The following ABCA12 variants were observed in gnomAD, a reference collection of about 807,000 sequenced individuals.
ABCA12 encodes the protein glucosylceramide transporter ABCA12.
Under a neutral mutation model 293.5 loss-of-function variants are expected in ABCA12, and 156 were observed. The ratio of observed to expected loss-of-function variants is 0.53; its 90% CI spans 0.47 to 0.61. The LOEUF is 0.61. Among genes scored for constraint, ABCA12 ranks in the 20% least tolerant of loss-of-function variants. ABCA12 has a pLI of 0.00. For missense variants in ABCA12, 2,797 were observed against 3,090.2 expected, an observed-to-expected ratio of 0.91 and a Z score of 2.25; for synonymous variants, 1,063 against 1,108.0, an observed-to-expected ratio of 0.96 and a Z score of 0.81.
chr2:215,105,191 T>C (rs746780565), intron 2 of ABCA12, among the ~76,000 whole-genome samples: 6 of 152,174 alleles, frequency 3.9e-5, no homozygotes, highest in Non-Finnish European at 7.3e-5. Context: ...GAGTCAAGAC[T>C]GAAGCAGCAA....
Position 215,050,892 on chromosome 2 carries a change from A to G in ABCA12, c.508-1081T>C, listed in dbSNP as rs947802650. The G allele has an allele frequency of 4.9e-6, 4 of 823,372 alleles. No homozygotes were observed. The African/African-American group carries it at 5.6e-5, about 11-fold the overall frequency. The allele number at this position is 823,372 out of a possible 1,614,324, so 51.0% of individuals were successfully genotyped here. On this transcript the variant is annotated intron_variant, in intron 5 of 52. Coordinates refer to ENST00000272895, the MANE Select transcript of ABCA12 (RefSeq NM_173076.3). Reference sequence around the variant, plus strand: ...AGATTGCTGACATAGGCATCAATATATCATCCTAATTTTTACATCCCTTCC... The same window carrying G: ...AGATTGCTGACATAGGCATCAATATGTCATCCTAATTTTTACATCCCTTCC...
intron 44 of ABCA12, among the ~76,000 whole-genome samples, chr2:214,953,445 A>C (rs1178267519): frequency 6.6e-6 from 1 of 152,044 alleles, no homozygotes; most frequent in Non-Finnish European, 1.5e-5. Flanking sequence ...ACTTTTTCTT[A>C]ATCTTCTTTT....
At chr2:215,025,391 C>T (rs973185476) in intron 11 of ABCA12, 13 of 379,562 alleles carry the variant, frequency 3.4e-5, no homozygotes, top group African/African-American at 2.8e-4. Context: ...AACTCCTGGT[C>T]TTAAGTGATT....
At position 214,963,923 on chromosome 2, in the gene ABCA12, C is replaced by CAAAAA. The variant is rs71041974; in HGVS notation, c.5884+2920_5884+2924dup. Among the ~76,000 whole-genome samples, 140 of 59,690 alleles carry CAAAAA rather than the reference C, an allele frequency of 2.3e-3. 1 individual carries two copies. The highest frequency in any genetic ancestry group is 0.014 in the Middle Eastern group (1 of 74). 39.2% of individuals were successfully genotyped at this position (59,690 alleles called of 152,430 possible). ...TGACTGACAGAGTGAGACTCTGCCTCAAAAAAAAAAAAAAAAAAAAAACTT... is the reference window on the plus strand; with the variant it reads ...TGACTGACAGAGTGAGACTCTGCCTCAAAAAAAAAAAAAAAAAAAAAAAAAAACTT... On this transcript the variant is annotated intron_variant, in intron 39 of 52. Coordinates refer to ENST00000272895, the MANE Select transcript of ABCA12 (RefSeq NM_173076.3).
intron 33 of ABCA12, among the ~76,000 whole-genome samples, chr2:214,976,700 TA>T (rs36015186): frequency 6.0e-5 from 9 of 151,130 alleles, no homozygotes; most frequent in African/African-American, 1.2e-4. Context: ...CTAGAGTTAT[TA>T]AAAAAAAAGA....
chr2:215,089,722 C>T (rs933608221), intron 2 of ABCA12, among the ~76,000 whole-genome samples: 2 of 152,102 alleles, frequency 1.3e-5, no homozygotes, highest in Non-Finnish European at 2.9e-5. Flanking sequence ...AGTATAGCAA[C>T]CAAAAAACAA....
At chr2:215,015,981 A>G (rs919468211) in intron 14 of ABCA12, among the ~76,000 whole-genome samples, 1 of 151,702 alleles carries the variant, frequency 6.6e-6, no homozygotes, top group Non-Finnish European at 1.5e-5. Context: ...CGTCTCTACT[A>G]AAGATACAAT....
At chr2:215,123,095 G>T (rs1035432604) in intron 1 of ABCA12, among the ~76,000 whole-genome samples, 2 of 152,148 alleles carry the variant, frequency 1.3e-5, no homozygotes, top group Non-Finnish European at 1.5e-5. Flanking sequence ...CATCCATGTT[G>T]CTGCAAAGGA....
chr2:215,105,361 G>A (rs114720275), intron 2 of ABCA12, among the ~76,000 whole-genome samples: 315 of 152,172 alleles, frequency 2.1e-3, no homozygotes, highest in African/African-American at 7.4e-3. Flanking sequence ...GCATCAACGT[G>A]GGAGTGAGAA....
At chr2:215,127,650 T>C (rs1702956621) in intron 1 of ABCA12, among the ~76,000 whole-genome samples, 1 of 152,190 alleles carries the variant, frequency 6.6e-6, no homozygotes, top group Non-Finnish European at 1.5e-5. Flanking sequence ...ATGAAATGCC[T>C]TTTTCCACCC....
At chr2:214,958,485 A>C in intron 40 of ABCA12, 31 bp from the exon 41 acceptor site, 1 of 1,609,984 alleles carries the variant, frequency 6.2e-7, no homozygotes, top group Non-Finnish European at 8.5e-7. Context: ...AGGAAAACAC[A>C]CATAAGTTTT....
rs532386946 is a variant in ABCA12 at position 214,989,219 on chromosome 2, AT to A, written c.3829+109del. On this transcript the variant is annotated intron_variant, in intron 26 of 52. Coordinates refer to ENST00000272895, the MANE Select transcript of ABCA12 (RefSeq NM_173076.3). ...ATATATATATATATATAATATTTTTATTTTTTAATTTAAAAATTTTTTGCAA... is the reference window on the plus strand; with the variant it reads ...ATATATATATATATATAATATTTTTATTTTTAATTTAAAAATTTTTTGCAA... 2.2e-3 allele frequency: 206 copies of A among 93,692 alleles called. 11 individuals are homozygous for A. The South Asian group carries it at 0.029, about 13-fold the overall frequency. 5.8% of individuals were successfully genotyped at this position (93,692 alleles called of 1,614,324 possible).
At chr2:214,967,481 CAGAG>C (rs1699290326) in intron 38 of ABCA12, among the ~76,000 whole-genome samples, 1 of 152,064 alleles carries the variant, frequency 6.6e-6, no homozygotes, top group African/African-American at 2.4e-5. Context: ...ATGTCATAAA[CAGAG>C]AGATTTAATA....
chr2:215,125,500 C>A lies in ABCA12; in HGVS notation c.69+12640G>T, dbSNP rs1256477135. ...CAGCAGTGTTTCCTAGTTTTCCTTG[C>A]AGAGGGCTTTCGAGTCCTTTGTTAG... On this transcript the variant is annotated intron_variant, in intron 1 of 52. Transcript: ENST00000272895. Among the ~76,000 whole-genome samples the A allele has an allele frequency of 3.3e-5, 5 of 152,134 alleles. No homozygotes were observed. The East Asian group carries it at 5.8e-4, about 18-fold the overall frequency.
At position 215,041,367 on chromosome 2, in the gene ABCA12, T is replaced by G. The variant is rs918564597; in HGVS notation, c.873-4302A>C. 1.8e-4 allele frequency among the ~76,000 whole-genome samples: 27 copies of G among 151,804 alleles called. 2 individuals carry two copies. Among genetic ancestry groups the G allele is most frequent in the Admixed American group, 1.3e-3 (20 of 15,236 alleles). On this transcript the variant is annotated intron_variant, in intron 7 of 52. Coordinates refer to ENST00000272895, the MANE Select transcript of ABCA12 (RefSeq NM_173076.3). ...AGGAGTTTGAGACCAGCCTGGCCAA[T>G]ATGGTGAAACCCCGTCTCTACCAAA...
intron 10 of ABCA12, 117 bp downstream of exon 10, chr2:215,026,703 G>A: frequency 1.2e-6 from 1 of 851,420 alleles, no homozygotes; most frequent in Non-Finnish European, 2.0e-6. Flanking sequence ...TGATGCATAT[G>A]GAAACTAAGA....
intron 2 of ABCA12, among the ~76,000 whole-genome samples, chr2:215,076,597 T>G (rs1466785889): frequency 1.3e-5 from 2 of 152,120 alleles, no homozygotes; most frequent in Non-Finnish European, 2.9e-5. Flanking sequence ...TGGCAAGCAT[T>G]TGGCCACATT....
At chr2:215,119,857 C>T (rs1307397065) in intron 1 of ABCA12, among the ~76,000 whole-genome samples, 1 of 151,392 alleles carries the variant, frequency 6.6e-6, no homozygotes, top group Non-Finnish European at 1.5e-5. Flanking sequence ...CTGTGGAAAG[C>T]AGTTTGGAGA....
At chr2:215,063,957 A>G in intron 3 of ABCA12, 109 bp downstream of exon 3, 1 of 1,402,484 alleles carries the variant, frequency 7.1e-7, no homozygotes. Context: ...ATTTATAGAC[A>G]GAGAAAACAA....
Sources: gnomAD v4.1 joint callset for allele counts (sites outside exome capture counted in the v4.1 genomes callset) on GRCh38, gnomAD v4.1.1 for gene constraint, MANE v1.5 for transcripts, NCBI Gene and HGNC (gene_info 2026-07-23, HGNC 2026-07-21) for gene names.